The following FAM149A variants were observed in gnomAD, a reference collection of about 807,000 sequenced individuals.
The protein encoded by FAM149A is protein FAM149A.
A neutral mutation model predicts 78.2 loss-of-function variants in FAM149A; 71 were observed. The ratio of observed to expected loss-of-function variants is 0.91; its 90% confidence interval spans 0.75 to 1.11. The LOEUF is 1.11. Ranked by LOEUF, FAM149A falls within the 50% of genes least tolerant of loss-of-function variation. FAM149A has a pLI of 0.00. For synonymous variants in FAM149A, 446 were observed against 410.5 expected (o/e 1.09, Z -1.04); for missense variants, 1,036 against 971.0 (o/e 1.07, Z -0.89).
intron 1 of FAM149A, chr4:186,127,092 A>G: frequency 1.0e-6 from 1 of 985,390 alleles, no homozygotes; most frequent in Non-Finnish European, 1.2e-6. Context: ...TGATTCTCTG[A>G]GAAGCCCTGC....
At chr4:186,150,008 C>T (rs1177704701) in intron 3 of FAM149A, among the ~76,000 whole-genome samples, 2 of 152,140 alleles carry the variant, frequency 1.3e-5, no homozygotes, top group African/African-American at 4.8e-5. Context: ...TATCCATGGC[C>T]GGAAATTCAG....
intron 1 of FAM149A, among the ~76,000 whole-genome samples, chr4:186,120,887 T>G (rs1376749345): frequency 1.2e-4 from 12 of 102,430 alleles, no homozygotes; most frequent in Non-Finnish European, 3.6e-5. Flanking sequence ...GGAGTCTCCC[T>G]CTGTTGTCCA....
chr4:186,158,727 C>A, intron 8 of FAM149A: 1 of 1,028,614 alleles, frequency 9.7e-7, no homozygotes, highest in Non-Finnish European at 1.2e-6. Flanking sequence ...CAGGTACCCC[C>A]TGTGCCTATT....
chr4:186,135,037 GGGATCCTGA>G (rs1317047348), intron 1 of FAM149A, among the ~76,000 whole-genome samples: 1 of 152,182 alleles, frequency 6.6e-6, no homozygotes, highest in Non-Finnish European at 1.5e-5. Context: ...AGCAGCACGT[GGGATCCTGA>G]GAAATCCACA....
chr4:186,143,850 A>T (rs1732749763), intron 1 of FAM149A, among the ~76,000 whole-genome samples: 1 of 152,208 alleles, frequency 6.6e-6, no homozygotes, highest in Non-Finnish European at 1.5e-5. Context: ...TGTTATTGGT[A>T]GTGATTTCTT....
At chr4:186,136,950 C>CTCTCTCTCTCTT (rs1561396172) in intron 1 of FAM149A, among the ~76,000 whole-genome samples, 7 of 125,856 alleles carry the variant, frequency 5.6e-5, no homozygotes, top group Non-Finnish European at 8.1e-5. Context: ...CTCTCTCTCT[C>CTCTCTCTCTCTT]TCTCTCTCTC....
Position 186,105,493 on chromosome 4 carries a change from G to C in FAM149A, c.417G>C (p.Ala139=). ...CGGGCCCCGGCGGGGTCTGGGCCGC[G>C]CTCCCCAGGAACCCGCTCCAGCCTG... Residue 139 remains alanine (A), a synonymous_variant, in exon 1 of 14, where the codon GCG becomes GCC. Transcript: ENST00000389354. 1 of 1,198,350 alleles carries C rather than the reference G, an allele frequency of 8.3e-7. No homozygotes were observed. The highest frequency in any genetic ancestry group is 1.1e-6 in the Non-Finnish European group (1 of 951,694). 74.2% of individuals were successfully genotyped at this position (1,198,350 alleles called of 1,614,324 possible).
chr4:186,146,455 G>C, intron 1 of FAM149A: 1 of 985,220 alleles, frequency 1.0e-6, no homozygotes, highest in Non-Finnish European at 1.2e-6. Context: ...GAAAGGATGT[G>C]GTGTGATGTG....
intron 1 of FAM149A, chr4:186,126,895 C>T: frequency 1.0e-6 from 1 of 985,346 alleles, no homozygotes; most frequent in Non-Finnish European, 1.2e-6. Flanking sequence ...GACACTTGCT[C>T]TTTATAAATG....
intron 8 of FAM149A, chr4:186,158,076 C>T (rs1734214122): frequency 7.4e-7 from 1 of 1,359,976 alleles, no homozygotes; most frequent in Non-Finnish European, 9.7e-7. Flanking sequence ...GAAGCTGCTG[C>T]TGGCAGCTCG....
chr4:186,147,125 A>G (rs1476787642), intron 1 of FAM149A, among the ~76,000 whole-genome samples: 2 of 152,202 alleles, frequency 1.3e-5, no homozygotes, highest in Non-Finnish European at 2.9e-5. Flanking sequence ...GCTCATGCCT[A>G]TAGTCCCAGC....
At chr4:186,167,431 C>T (rs1735144576) in intron 13 of FAM149A, 169 bp downstream of exon 13, 1 of 700,916 alleles carries the variant, frequency 1.4e-6, no homozygotes, top group Middle Eastern at 2.3e-4. Flanking sequence ...ACAGAGCACA[C>T]CTGCAGAGAC....
chr4:186,129,142 TCTGTGTGTGTCTGTGC>T (rs1317275058), intron 1 of FAM149A, among the ~76,000 whole-genome samples: 1 of 107,480 alleles, frequency 9.3e-6, no homozygotes, highest in Non-Finnish European at 2.1e-5. Context: ...CCTCTGTGTG[TCTGTGTGTGTCTGTGC>T]ATGTGTGTAT....
chr4:186,162,863 A>G lies in FAM149A; in HGVS notation c.1594A>G (p.Ser532Gly). ...TTCTCAGATTCATCACTTCTCCAGC[A>G]GTTTTTATAGTGACATGAATGGTGT... The change falls in exon 9 of 14, where the codon AGT (serine) becomes GGT (glycine). Residue 532 changes from serine to glycine, a missense_variant. Ser to Gly is a moderately conservative substitution (Grantham distance 56). Around this residue, in one of 3 missense-constraint regions of FAM149A, gnomAD observed 716 missense variants for 711.8 expected, o/e 1.01. Transcript: ENST00000389354. The G allele has an allele frequency of 1.5e-6, 2 of 1,294,330 alleles. No individual in the cohort carries two copies. Among genetic ancestry groups the G allele is most frequent in the South Asian group, 1.2e-5 (1 of 82,000 alleles). 80.2% of individuals were successfully genotyped at this position (1,294,330 alleles called of 1,614,324 possible).
intron 1 of FAM149A, among the ~76,000 whole-genome samples, chr4:186,130,503 G>A (rs1421029075): frequency 6.8e-6 from 1 of 147,240 alleles, no homozygotes; most frequent in African/African-American, 2.5e-5. Context: ...AGCCTCCCCA[G>A]TAGCCACCAT....
In FAM149A at chr4:186,153,735, G is replaced by A. The variant is rs567300729; in HGVS notation, c.1023G>A (p.Pro341=). 30 of 1,613,770 alleles carry A rather than the reference G, an allele frequency of 1.9e-5. No homozygotes were observed. In the East Asian group the frequency reaches 3.8e-4, roughly 20 times the overall value. ...CTGCCTCCGCAGTCCACAGACCCCCGCTCAGTGCCTGCGGACACAGCAGCA... is the reference window on the plus strand; with the variant it reads ...CTGCCTCCGCAGTCCACAGACCCCCACTCAGTGCCTGCGGACACAGCAGCA... The change falls in exon 5 of 14, where the codon CCG becomes CCA. Residue 341 remains proline, a synonymous_variant. Transcript: ENST00000389354.
At chr4:186,134,741 A>T (rs2099322037) in intron 1 of FAM149A, among the ~76,000 whole-genome samples, 3 of 152,328 alleles carry the variant, frequency 2.0e-5, no homozygotes, top group Admixed American at 2.0e-4. Flanking sequence ...CGTGTGCTGC[A>T]GGTTTGCAGG....
At position 186,154,814 on chromosome 4, in the gene FAM149A, G is replaced by A. The variant is rs1027013738; in HGVS notation, c.1229+176G>A. The stretch of plus-strand genomic sequence containing the variant: ...TTTGGATTCCTAGCCAGCGGTGCAC[G>A]TGCGGGAGCAGCGAAGAGGGTGTTC... On this transcript the variant is annotated intron_variant, in intron 6 of 13. Coordinates refer to ENST00000389354, the MANE Select transcript of FAM149A (RefSeq NM_001367768.3). 1.8e-5 allele frequency: 18 copies of A among 985,270 alleles called. No homozygotes were observed. The African/African-American group carries it at 2.8e-4, about 15-fold the overall frequency. The allele number at this position is 985,270 out of a possible 1,614,324, so 61.0% of individuals were successfully genotyped here.
rs1579885999 is a variant in FAM149A at position 186,152,044 on chromosome 4, A to G, written c.931A>G (p.Arg311Gly). The change falls in exon 4 of 14, where the codon AGA becomes GGA. Residue 311 changes from arginine to glycine, a missense_variant and splice_region_variant. Around this residue, in one of 3 missense-constraint regions of FAM149A, gnomAD observed 716 missense variants for 711.8 expected, o/e 1.01. Coordinates refer to ENST00000389354, the MANE Select transcript of FAM149A (RefSeq NM_001367768.3). ...GTGGACAAGAAGATCCCTCCATTTG[A>G]GGTGGGACCTTGGTGGTGGAAGTTC... 2.5e-6 allele frequency: 4 copies of G among 1,613,444 alleles called. No individual in the cohort carries two copies. The African/African-American group carries it at 5.3e-5, about 22-fold the overall frequency.
Sources: allele counts gnomAD v4.1 joint callset (sites outside exome capture counted in the v4.1 genomes callset), GRCh38; gene constraint gnomAD v4.1.1; regional missense constraint gnomAD v4.1.1; transcripts MANE v1.5; gene names NCBI Gene and HGNC (gene_info 2026-07-23, HGNC 2026-07-21).